Variants in JAK1 observed in about 807,000 individuals in gnomAD.
JAK1 encodes the protein Janus kinase 1.
JAK1 carries 16 observed loss-of-function variants against 136.6 expected under a neutral mutation model. That is an observed-to-expected ratio of 0.12 (90% CI 0.08 to 0.18). JAK1 has a LOEUF of 0.18. Among genes scored for constraint, JAK1 ranks in the 10% least tolerant of loss-of-function variants. The pLI, the probability that JAK1 is intolerant of heterozygous loss-of-function variation, is 1.00. For synonymous variants in JAK1, 492 were observed against 519.5 expected (o/e 0.95, Z 0.72); for missense variants, 859 against 1,450.1 (o/e 0.59, Z 6.62).
At chr1:64,928,785 A>AAAAAAAT in intron 1 of JAK1, among the ~76,000 whole-genome samples, 1 of 121,004 alleles carries the variant, frequency 8.3e-6, no homozygotes, top group Non-Finnish European at 1.5e-5. Flanking sequence ...CTGCAAAAAA[A>AAAAAAAT]AAAAAAAAAA....
At chr1:64,928,778 C>CAAAAACA (rs1491189760) in intron 1 of JAK1, among the ~76,000 whole-genome samples, 2 of 61,124 alleles carry the variant, frequency 3.3e-5, no homozygotes, top group Non-Finnish European at 6.3e-5. Flanking sequence ...TAAAACTCTG[C>CAAAAACA]AAAAAAAAAA....
chr1:65,008,889 A>T (rs747195049), intron 2 of JAK1, among the ~76,000 whole-genome samples: 1 of 152,186 alleles, frequency 6.6e-6, no homozygotes, highest in East Asian at 1.9e-4. Context: ...GGGTCTCCCT[A>T]TGTTGCCCAG....
chr1:64,989,125 G>A (rs1202713725), intron 2 of JAK1, among the ~76,000 whole-genome samples: 1 of 148,674 alleles, frequency 6.7e-6, no homozygotes, highest in African/African-American at 2.5e-5. Context: ...AGGAGTTCAA[G>A]ACCAGCCTGG....
intron 12 of JAK1, among the ~76,000 whole-genome samples, chr1:64,849,620 T>C (rs1352753200): frequency 6.6e-6 from 1 of 152,246 alleles, no homozygotes; most frequent in African/African-American, 2.4e-5. Flanking sequence ...GCTAACGTGA[T>C]TACCCCCTCA....
At chr1:64,982,435 GC>G in intron 2 of JAK1, among the ~76,000 whole-genome samples, 1 of 152,324 alleles carries the variant, frequency 6.6e-6, no homozygotes, top group East Asian at 1.9e-4. Context: ...ATTCTTTGAA[GC>G]CCTTCTCCAC....
rs186186381 is a variant in JAK1, at chr1:64,949,979, T to C, written c.-78+16354A>G. On this transcript the variant is annotated intron_variant, in intron 1 of 24. Transcript: ENST00000342505. Reference sequence around the variant, plus strand: ...GATTATTACAAAGACTCTATTAAAATAGAATAAAAAAGTTTAAGAAGACAG... The same window carrying C: ...GATTATTACAAAGACTCTATTAAAACAGAATAAAAAAGTTTAAGAAGACAG... Among the ~76,000 whole-genome samples the C allele has an allele frequency of 2.5e-3, 374 of 152,178 alleles. 2 individuals are homozygous for C. Among genetic ancestry groups the C allele is most frequent in the African/African-American group, 8.5e-3 (351 of 41,532 alleles).
intron 2 of JAK1, chr1:64,991,224 A>G (rs1229544548): frequency 6.6e-6 from 1 of 152,216 alleles, no homozygotes; most frequent in Non-Finnish European, 1.5e-5. Flanking sequence ...AGGGGTTTGT[A>G]TTAGTTTGCT....
chr1:65,007,174 C>A (rs979665199), intron 2 of JAK1, among the ~76,000 whole-genome samples: 2 of 151,566 alleles, frequency 1.3e-5, no homozygotes, highest in African/African-American at 4.9e-5. Flanking sequence ...AGGACAAAGA[C>A]AGCTTCAGGA....
At position 64,984,686 on chromosome 1, in the gene JAK1, G is replaced by A. The variant is rs1032983852; in HGVS notation, c.-78+59794C>T. 31 of 613,540 alleles carry A rather than the reference G, an allele frequency of 5.1e-5. No individual in the cohort carries two copies. The highest frequency in any genetic ancestry group is 2.4e-4 in the African/African-American group (13 of 53,398). 38.0% of individuals were successfully genotyped at this position (613,540 alleles called of 1,614,324 possible). A position where few individuals can be genotyped will look rare whatever the true frequency, so the allele number is the denominator to read the frequency against. ...CAGTCCTTCCAGATCTATTTGCATC[G>A]TGTGCCTGCCCCTCAAAGGCCTATG... On this transcript the variant is annotated intron_variant, in intron 2 of 25. Transcript: ENST00000671954. The surrounding 1 kb of genome is among the most constrained non-coding windows in gnomAD (Gnocchi z 4.1).
intron 1 of JAK1, among the ~76,000 whole-genome samples, chr1:64,939,576 G>A (rs1645851600): frequency 6.6e-6 from 1 of 152,014 alleles, no homozygotes; most frequent in African/African-American, 2.4e-5. Flanking sequence ...CTTTAAACAG[G>A]GATAATACCA....
At chr1:64,935,640 T>C (rs2100480297) in intron 1 of JAK1, among the ~76,000 whole-genome samples, 1 of 152,340 alleles carries the variant, frequency 6.6e-6, no homozygotes, top group South Asian at 2.1e-4. Flanking sequence ...CAACCTGTCC[T>C]CTTTCCTCCT....
At chr1:64,916,729 T>C (rs1645402678) in intron 1 of JAK1, among the ~76,000 whole-genome samples, 2 of 151,652 alleles carry the variant, frequency 1.3e-5, no homozygotes, top group South Asian at 4.2e-4. Context: ...TCCCAGCTAC[T>C]GAGGAGGCTG....
chr1:64,898,208 CTAATAGCACTG>C (rs1401847666), intron 1 of JAK1, among the ~76,000 whole-genome samples: 1 of 152,206 alleles, frequency 6.6e-6, no homozygotes, highest in Non-Finnish European at 1.5e-5. Flanking sequence ...GGGACATCCA[CTAATAGCACTG>C]GGAGAGTCAA....
At chr1:64,940,121 G>C (rs916109758) in intron 1 of JAK1, among the ~76,000 whole-genome samples, 1 of 152,146 alleles carries the variant, frequency 6.6e-6, no homozygotes, top group African/African-American at 2.4e-5. Flanking sequence ...CATACTGATA[G>C]CTTCAAGGAG....
chr1:64,909,465 C>T (rs372060308), intron 1 of JAK1, among the ~76,000 whole-genome samples: 148 of 152,090 alleles, frequency 9.7e-4, no homozygotes, highest in Admixed American at 2.9e-3. Flanking sequence ...GGAAAAATGA[C>T]AAAGAAACAG....
chr1:65,063,134 C>T (rs921670441), intron 1 of JAK1, among the ~76,000 whole-genome samples: 7 of 152,020 alleles, frequency 4.6e-5, no homozygotes, highest in African/African-American at 7.2e-5. Flanking sequence ...CGAGTGGAGC[C>T]GTGATTTGGT....
upstream of JAK1, among the ~76,000 whole-genome samples, chr1:64,970,422 C>A (rs1569786237): frequency 2.0e-5 from 3 of 151,334 alleles, no homozygotes; most frequent in African/African-American, 4.9e-5. Context: ...GCCTGGGCAA[C>A]AAGAGAAAAA....
chr1:64,858,510 T>C (rs748045019), intron 9 of JAK1, among the ~76,000 whole-genome samples: 2 of 152,244 alleles, frequency 1.3e-5, no homozygotes, highest in Non-Finnish European at 2.9e-5. Flanking sequence ...CAAGCCATCA[T>C]TGATTCTTTG....
In JAK1 at chr1:64,844,561, G is replaced by A. The variant is rs575095441; in HGVS notation, c.2251+193C>T. 5.3e-5 allele frequency among the ~76,000 whole-genome samples: 8 copies of A among 152,246 alleles called. No homozygotes were observed. Among genetic ancestry groups the A allele is most frequent in the East Asian group, 1.9e-4 (1 of 5,168 alleles). On this transcript the variant is annotated intron_variant, in intron 16 of 24. Coordinates refer to ENST00000342505, the MANE Select transcript of JAK1 (RefSeq NM_002227.4). The surrounding 1 kb of genome is among the most constrained non-coding windows in gnomAD (Gnocchi z 5.7). ...CATCACCCAGGGCAGGAGGACGAAC[G>A]GGGGCTCGTTCAAGGACTTAAGAGA...
Sources: allele counts gnomAD v4.1 joint callset (sites outside exome capture counted in the v4.1 genomes callset), GRCh38; gene constraint gnomAD v4.1.1; non-coding constraint Gnocchi (gnomAD v3.1); transcripts MANE v1.5; gene names NCBI Gene and HGNC (gene_info 2026-07-23, HGNC 2026-07-21).